NDST2: variants seen among roughly 807,000 people sequenced by gnomAD.
The protein encoded by NDST2 is N-deacetylase and N-sulfotransferase 2.
NDST2 carries 32 observed loss-of-function variants against 86.9 expected under a neutral mutation model. The observed-to-expected ratio is 0.37, with a 90% CI of 0.28 to 0.49. The LOEUF (loss-of-function observed/expected upper bound fraction) is 0.49, where lower values mean the gene tolerates loss of function less well. NDST2 is among the 20% of genes least tolerant of loss of function. The pLI, the probability that NDST2 is intolerant of heterozygous loss-of-function variation, is 0.97. For missense variants in NDST2, 950 were observed against 1,146.9 expected, an observed-to-expected ratio of 0.83 and a Z score of 2.48; for synonymous variants, 409 against 437.0, an observed-to-expected ratio of 0.94 and a Z score of 0.80.
Position 73,806,591 on chromosome 10 carries a change from T to C in NDST2, c.1248+66A>G. The stretch of plus-strand genomic sequence containing the variant: ...CAAAGGATAGGAAAAGGGTAGCCCA[T>C]TAGGGGAAGGTAGAAAAGGAAGCAT... On this transcript the variant is annotated intron_variant, in intron 5 of 14. Transcript: ENST00000309979. The surrounding 1 kb of genome is among the most constrained non-coding windows in gnomAD (Gnocchi z 4.5). 1 of 1,590,714 alleles carries C rather than the reference T, an allele frequency of 6.3e-7. No homozygotes were observed.
At chr10:73,811,293 C>G (rs2084243216) in intron 1 of NDST2, among the ~76,000 whole-genome samples, 181 bp downstream of exon 1, 1 of 152,092 alleles carries the variant, frequency 6.6e-6, no homozygotes, top group Non-Finnish European at 1.5e-5. Context: ...AGGGAGCCCG[C>G]CCGGTCCGGA....
Position 73,802,467 on chromosome 10 carries a change from T to C in NDST2, c.2636A>G (p.His879Arg), listed in dbSNP as rs750022009. 2.0e-5 allele frequency: 33 copies of C among 1,612,998 alleles called. No individual in the cohort carries two copies. The highest frequency in any genetic ancestry group is 2.8e-5 in the Non-Finnish European group (33 of 1,180,034). ...VPSWLREELQ[H>R]SSLG ...GCTGGGACATCAGCCCAGACTGGAA[T>C]GCTGCAGTTCTTCCCGAAGCCACGA... The change falls in exon 15 of 15, where the codon CAT becomes CGT. Residue 879 changes from histidine to arginine, a missense_variant. By Grantham distance (29) the His-to-Arg change is conservative. Transcript: ENST00000309979.
At position 73,806,341 on chromosome 10, in the gene NDST2, G is replaced by T; in HGVS notation, c.1382C>A (p.Pro461His). The T allele has an allele frequency of 6.2e-7, 1 of 1,614,186 alleles. No individual in the cohort carries two copies. The highest frequency in any genetic ancestry group is 8.5e-7 in the Non-Finnish European group (1 of 1,180,034). Reference sequence around the variant, plus strand: ...GCGGTAGCGGGCAGGGCGGAGATGGGGATACTCCTCAGTGCTGGTCACCTG... The same window carrying T: ...GCGGTAGCGGGCAGGGCGGAGATGGTGATACTCCTCAGTGCTGGTCACCTG... Reference protein sequence around the residue: ...GIQVTSTEEYPHLRPARYRRG... With the variant: ...GIQVTSTEEYHHLRPARYRRG... The change falls in exon 6 of 15, where the codon CCC becomes CAC. Residue 461 changes from proline (P) to histidine (H), a missense_variant. Physicochemically the swap from Pro to His is moderately conservative, Grantham distance 77. Transcript: ENST00000309979. The surrounding 1 kb of genome is among the most constrained non-coding windows in gnomAD (Gnocchi z 4.5).
In NDST2 at chr10:73,804,780, C is replaced by T. The variant is rs2084069092; in HGVS notation, c.1836G>A (p.Gln612=). The T allele has an allele frequency of 1.2e-6, 2 of 1,611,168 alleles. No homozygotes were observed. The highest frequency in any genetic ancestry group is 1.1e-5 in the South Asian group (1 of 90,872). ...RLPKFLIVGP[Q]KTGTTAIHFF... is the part of the protein sequence containing the mutation. ...TAGCTAAGGATACTTCACCTGTTTT[C>T]TGGGGTCCCACAATGAGGAACTTCG... The change falls in exon 9 of 15, where the codon CAG becomes CAA. Residue 612 remains glutamine, a synonymous_variant. Transcript: ENST00000309979.
At chr10:73,804,404 G>A (rs2084062493) in intron 9 of NDST2, among the ~76,000 whole-genome samples, 1 of 152,168 alleles carries the variant, frequency 6.6e-6, no homozygotes, top group Admixed American at 6.5e-5. Flanking sequence ...ACTTTGGGAG[G>A]CCAAGGCAGG....
intron 4 of NDST2, 82 bp downstream of exon 4, chr10:73,807,026 T>C (rs2132870956): frequency 6.7e-7 from 1 of 1,484,128 alleles, no homozygotes; most frequent in Non-Finnish European, 9.4e-7. Context: ...ACCCTTTTCT[T>C]CAACTTGTCT....
chr10:73,807,587 C>T lies in NDST2; in HGVS notation c.802G>A (p.Asp268Asn). 2 of 1,614,190 alleles carry T rather than the reference C, an allele frequency of 1.2e-6. No homozygotes were observed. The highest frequency in any genetic ancestry group is 1.7e-6 in the Non-Finnish European group (2 of 1,180,046). ...TGGATGCCATCATGAAGCCCCAGGT[C>T]CTGTACCACAGTGGGAAGCCGGGCC... ...RRARLPTVVQ[D>N]LGLHDGIQRV... The change falls in exon 3 of 15, where the codon GAC becomes AAC. Residue 268 changes from aspartate (D) to asparagine (N), a missense_variant. By Grantham distance (23) the Asp-to-Asn change is conservative. Transcript: ENST00000309979.
intron 9 of NDST2, among the ~76,000 whole-genome samples, chr10:73,804,508 G>A (rs2084064549): frequency 6.6e-6 from 1 of 152,036 alleles, no homozygotes; most frequent in Non-Finnish European, 1.5e-5. Flanking sequence ...AGGTGTGGTG[G>A]CACCTGCCTG....
In NDST2 at chr10:73,806,852, CCT is replaced by C. The variant is rs773697694; in HGVS notation, c.1094-43_1094-42del. ...GACCACTGACCACAGCCAGTCAGCC[CCT>C]GTTCCCTCCTTTATTTTGTAACAAC... On this transcript the variant is annotated intron_variant, in intron 4 of 14. Coordinates refer to ENST00000309979, the MANE Select transcript of NDST2 (RefSeq NM_003635.4). The surrounding 1 kb of genome is among the most constrained non-coding windows in gnomAD (Gnocchi z 4.5). 5.0e-5 allele frequency: 80 copies of C among 1,600,396 alleles called. No individual in the cohort carries two copies. Among genetic ancestry groups the C allele is most frequent in the African/African-American group, 1.2e-4 (9 of 74,766 alleles).
chr10:73,802,948 C>G, intron 13 of NDST2, 24 bp downstream of exon 13: 1 of 1,607,382 alleles, frequency 6.2e-7, no homozygotes, highest in South Asian at 1.1e-5. Flanking sequence ...TACAGTACTC[C>G]TCCCCTGGGT....
chr10:73,808,216 C>T lies in NDST2; in HGVS notation c.173G>A (p.Gly58Asp). The change falls in exon 3 of 15, where the codon GGT becomes GAT. Residue 58 changes from glycine to aspartate, a missense_variant. This residue lies in a region of NDST2 where 586 missense variants were observed against 714.0 expected (regional missense o/e 0.82). Coordinates refer to ENST00000309979, the MANE Select transcript of NDST2 (RefSeq NM_003635.4). The surrounding 1 kb of genome is among the most constrained non-coding windows in gnomAD (Gnocchi z 4.3). ...TGCAGGGCCAGGACCAGCTGCCCCA[C>T]CGCTGCTGCAGTCTCCCAAGGGCAG... ...LPLPLGDCSS[G>D]GAAGPGPARP... The T allele has an allele frequency of 6.2e-7, 1 of 1,613,090 alleles. No individual in the cohort carries two copies. The highest frequency in any genetic ancestry group is 8.5e-7 in the Non-Finnish European group (1 of 1,179,480).
rs1396613279 is a variant in NDST2, at chr10:73,803,243, A to C, written c.2259T>G (p.Pro753=). The change falls in exon 12 of 15, where the codon CCT becomes CCG. Residue 753 remains proline, a synonymous_variant. Coordinates refer to ENST00000309979, the MANE Select transcript of NDST2 (RefSeq NM_003635.4). The part of the protein sequence containing the change: ...LRSLQNRCLV[P]GYYSTHLQRW... ...GTTGTAGATGGGTAGAATAGTAGCC[A>C]GGGACAAGACAGCGGTTCTGCAGGG... is the stretch of plus-strand genomic sequence containing the variant. The C allele has an allele frequency of 1.2e-6, 2 of 1,614,120 alleles. No individual in the cohort carries two copies. The highest frequency in any genetic ancestry group is 1.7e-5 in the Admixed American group (1 of 60,012).
intron 8 of NDST2, among the ~76,000 whole-genome samples, chr10:73,805,371 G>A (rs1038038973): frequency 4.6e-5 from 7 of 151,994 alleles, no homozygotes; most frequent in African/African-American, 1.7e-4. Flanking sequence ...AAAATTAGCC[G>A]GGCGTGGTGG....
Position 73,806,701 on chromosome 10 carries a change from A to T in NDST2, c.1204T>A (p.Ser402Thr), listed in dbSNP as rs898719083. The stretch of plus-strand genomic sequence containing the variant: ...AGCCTCATCTGGTCAGCCAGCACGG[A>T]GCGATTGTGGAACAGGTGTGGCTGC... The part of the protein sequence containing the change: ...HMQPHLFHNR[S>T]VLADQMRLNK... Residue 402 changes from serine (S) to threonine (T), a missense_variant, in exon 5 of 15, where the codon TCC (serine) becomes ACC (threonine). By Grantham distance (58) the Ser-to-Thr change is moderately conservative. Coordinates refer to ENST00000309979, the MANE Select transcript of NDST2 (RefSeq NM_003635.4). This position sits in a 1 kb window ranked among gnomAD's most constrained non-coding sequence, Gnocchi z 4.5. 6.8e-6 allele frequency: 11 copies of T among 1,614,122 alleles called. No individual in the cohort carries two copies. Among genetic ancestry groups the T allele is most frequent in the Non-Finnish European group, 8.5e-6 (10 of 1,180,018 alleles).
Position 73,806,147 on chromosome 10 carries a change from T to C in NDST2, c.1435-119A>G. 1 of 1,527,042 alleles carries C rather than the reference T, an allele frequency of 6.5e-7. No individual in the cohort carries two copies. Among genetic ancestry groups the C allele is most frequent in the Non-Finnish European group, 8.9e-7 (1 of 1,117,932 alleles). The allele number at this position is 1,527,042 out of a possible 1,614,324, so 94.6% of individuals were successfully genotyped here. ...ATAGCAATAAAGCTCTTACTGAGGG[T>C]GTTAAAATTTTTTCACCTTTCTACC... On this transcript the variant is annotated intron_variant, in intron 6 of 14. Coordinates refer to ENST00000309979, the MANE Select transcript of NDST2 (RefSeq NM_003635.4). The surrounding 1 kb of genome is among the most constrained non-coding windows in gnomAD (Gnocchi z 4.5).
At position 73,802,770 on chromosome 10, in the gene NDST2, A is replaced by G. The variant is rs1483100726; in HGVS notation, c.2430T>C (p.Asp810=). Residue 810 remains aspartate, a synonymous_variant, in exon 14 of 15, where the codon GAT becomes GAC. Transcript: ENST00000309979. ...FLNYTRTLRF[D]DDKGFWCQGL... Reference sequence around the variant, plus strand: ...CCTGGCACCAAAATCCCTTATCATCATCAAACCTGCTCAACAGGAAGAGGC... The same window carrying G: ...CCTGGCACCAAAATCCCTTATCATCGTCAAACCTGCTCAACAGGAAGAGGC... The G allele has an allele frequency of 6.2e-7, 1 of 1,614,094 alleles. No homozygotes were observed. Among genetic ancestry groups the G allele is most frequent in the Non-Finnish European group, 8.5e-7 (1 of 1,179,954 alleles).
chr10:73,808,595 A>C lies in NDST2; in HGVS notation c.-207T>G. ...AAGGGGAAGCAGGGGGCAACTATAC[A>C]GAGTCCACTTGTCTCAGGTCACCAT... On this transcript the variant is annotated 5_prime_UTR_variant, in exon 3 of 15. Coordinates refer to ENST00000309979, the MANE Select transcript of NDST2 (RefSeq NM_003635.4). The surrounding 1 kb of genome is among the most constrained non-coding windows in gnomAD (Gnocchi z 4.3). The C allele has an allele frequency of 1.8e-6, 1 of 556,712 alleles. No homozygotes were observed. Among genetic ancestry groups the C allele is most frequent in the South Asian group, 2.6e-5 (1 of 38,666 alleles). 34.5% of individuals were successfully genotyped at this position (556,712 alleles called of 1,614,324 possible).
Position 73,806,252 on chromosome 10 carries a change from TAGAGTTTGATTCAAGCCTGTATTG to T in NDST2, c.1434+13_1434+36del. 1 of 1,610,618 alleles carries T rather than the reference TAGAGTTTGATTCAAGCCTGTATTG, an allele frequency of 6.2e-7. No individual in the cohort carries two copies. The highest frequency in any genetic ancestry group is 8.5e-7 in the Non-Finnish European group (1 of 1,178,034). On this transcript the variant is annotated intron_variant, in intron 6 of 14. Coordinates refer to ENST00000309979, the MANE Select transcript of NDST2 (RefSeq NM_003635.4). This position sits in a 1 kb window ranked among gnomAD's most constrained non-coding sequence, Gnocchi z 4.5. Reference sequence around the variant, plus strand: ...TGCATGTTGAAAGCTGTCTAAATGTTAGAGTTTGATTCAAGCCTGTATTGGGAGTCCCTCACCATAATGCCATTG... The same window carrying T: ...TGCATGTTGAAAGCTGTCTAAATGTTGGAGTCCCTCACCATAATGCCATTG...
rs1236372713 is a variant in NDST2 at position 73,808,647 on chromosome 10, G to C, written c.-259C>G. The C allele has an allele frequency of 9.4e-6, 4 of 424,758 alleles. No homozygotes were observed. In the South Asian group the frequency reaches 2.0e-4, roughly 21 times the overall value. 26.3% of individuals were successfully genotyped at this position (424,758 alleles called of 1,614,324 possible). ...GCCCCCTGGCCCATGGCTTCAGGCT[G>C]CAAATCTTGCCAGGCTCTCCCCTTG... On this transcript the variant is annotated 5_prime_UTR_variant, in exon 3 of 15. Coordinates refer to ENST00000309979, the MANE Select transcript of NDST2 (RefSeq NM_003635.4). The surrounding 1 kb of genome is among the most constrained non-coding windows in gnomAD (Gnocchi z 4.3).
Sources: allele counts gnomAD v4.1 joint callset (sites outside exome capture counted in the v4.1 genomes callset), GRCh38; gene constraint gnomAD v4.1.1; regional missense constraint gnomAD v4.1.1; non-coding constraint Gnocchi (gnomAD v3.1); transcripts MANE v1.5; gene names NCBI Gene and HGNC (gene_info 2026-07-23, HGNC 2026-07-21).